The following PIP4K2A variants were observed in gnomAD, a reference collection of about 807,000 sequenced individuals.
PIP4K2A encodes phosphatidylinositol 5-phosphate 4-kinase type-2 alpha.
A neutral mutation model predicts 42.9 loss-of-function variants in PIP4K2A; 14 were observed. The ratio of observed to expected loss-of-function variants is 0.33; its 90% CI spans 0.22 to 0.51. PIP4K2A has a LOEUF of 0.51. Among genes scored for constraint, PIP4K2A ranks in the 20% least tolerant of loss-of-function variants. PIP4K2A has a pLI of 0.97. For missense variants in PIP4K2A, 434 were observed against 519.8 expected, an observed-to-expected ratio of 0.83 and a Z score of 1.61; for synonymous variants, 192 against 192.2, an observed-to-expected ratio of 1.00 and a Z score of 0.01.
At chr10:22,593,030 A>G (rs1431620366) in intron 3 of PIP4K2A, among the ~76,000 whole-genome samples, 1 of 152,216 alleles carries the variant, frequency 6.6e-6, no homozygotes, top group Admixed American at 6.5e-5. Flanking sequence ...TCTGTCTAGT[A>G]TATTCCAGTC....
At position 22,610,760 on chromosome 10, in the gene PIP4K2A, T is replaced by C. The variant is rs116339735; in HGVS notation, c.145-1043A>G. On this transcript the variant is annotated intron_variant, in intron 1 of 9. Transcript: ENST00000376573. The stretch of plus-strand genomic sequence containing the variant: ...ACACTTACTTGGGCCAAACGAAAGC[T>C]GGGAGCTCAACAAAGGCTTCAACGT... Among the ~76,000 whole-genome samples, 1,263 of 152,310 alleles carry C rather than the reference T, an allele frequency of 8.3e-3. 15 individuals carry two copies. The highest frequency in any genetic ancestry group is 0.028 in the African/African-American group (1,180 of 41,568).
intron 1 of PIP4K2A, among the ~76,000 whole-genome samples, chr10:22,679,854 T>C (rs1839626518): frequency 6.6e-6 from 1 of 152,250 alleles, no homozygotes; most frequent in African/African-American, 2.4e-5. Flanking sequence ...AGATTAGTGG[T>C]TGCCTAGGGC....
chr10:22,708,995 G>A (rs1003013465), intron 1 of PIP4K2A, among the ~76,000 whole-genome samples: 6 of 152,202 alleles, frequency 3.9e-5, no homozygotes, highest in East Asian at 1.9e-4. Flanking sequence ...TGCTGCCCAG[G>A]CTGGTCTCAA....
At chr10:22,569,034 A>C in intron 5 of PIP4K2A, 1 of 1,535,352 alleles carries the variant, frequency 6.5e-7, no homozygotes, top group Non-Finnish European at 8.7e-7. Flanking sequence ...GAAAAGTGAA[A>C]GTGGCTTTTA....
chr10:22,673,030 C>T (rs1413423041), intron 1 of PIP4K2A, among the ~76,000 whole-genome samples: 1 of 152,158 alleles, frequency 6.6e-6, no homozygotes, highest in Non-Finnish European at 1.5e-5. Flanking sequence ...CTGTCCAGGG[C>T]CACTTCCTGG....
intron 1 of PIP4K2A, among the ~76,000 whole-genome samples, chr10:22,692,283 T>C (rs1264211581): frequency 2.6e-5 from 4 of 152,092 alleles, no homozygotes; most frequent in Non-Finnish European, 5.9e-5. Flanking sequence ...ATGCTGCTGC[T>C]GATCTGACAG....
intron 6 of PIP4K2A, among the ~76,000 whole-genome samples, chr10:22,559,825 T>C (rs1836641093): frequency 1.3e-5 from 2 of 152,104 alleles, no homozygotes; most frequent in African/African-American, 2.4e-5. Context: ...CACTACAGCA[T>C]GAGGAGCAAT....
intron 1 of PIP4K2A, among the ~76,000 whole-genome samples, chr10:22,626,466 C>G (rs1397306558): frequency 2.0e-5 from 3 of 152,194 alleles, no homozygotes; most frequent in Non-Finnish European, 4.4e-5. Flanking sequence ...GTATTCAGAA[C>G]ACGAGGATAT....
chr10:22,628,597 T>C (rs898002411), intron 1 of PIP4K2A, among the ~76,000 whole-genome samples: 1 of 152,104 alleles, frequency 6.6e-6, no homozygotes, highest in African/African-American at 2.4e-5. Context: ...TTTCACACAT[T>C]TTAGGGAGAC....
Position 22,714,243 on chromosome 10 carries a change from C to T in PIP4K2A, c.84G>A (p.Val28=), listed in dbSNP as rs1271300104. The T allele has an allele frequency of 1.9e-6, 3 of 1,612,738 alleles. No homozygotes were observed. Among genetic ancestry groups the T allele is most frequent in the Admixed American group, 3.3e-5 (2 of 59,950 alleles). Residue 28 remains valine, a synonymous_variant, in exon 1 of 10, where the codon GTG becomes GTA. Coordinates refer to ENST00000376573, the MANE Select transcript of PIP4K2A (RefSeq NM_005028.5). The stretch of plus-strand genomic sequence containing the variant: ...GCGGGTCGCTGGCCCGAAACAGCTT[C>T]ACTTTCTGCGCTACGAAGTGCTTCT... ...TKKKHFVAQK[V]KLFRASDPLL... is the part of the protein sequence containing the mutation.
At chr10:22,548,974 A>G (rs541616646) in intron 7 of PIP4K2A, among the ~76,000 whole-genome samples, 73 of 152,262 alleles carry the variant, frequency 4.8e-4, no homozygotes, top group Non-Finnish European at 8.5e-4. Flanking sequence ...GGACTGCCTG[A>G]GCTGGGAGTT....
At chr10:22,541,709 G>C (rs1323082891) in intron 8 of PIP4K2A, 95 bp downstream of exon 8, 27 of 1,366,764 alleles carry the variant, frequency 2.0e-5, no homozygotes, top group Non-Finnish European at 2.5e-5. Flanking sequence ...CTGCCGGGCA[G>C]CACCCTCATA....
At chr10:22,680,943 C>T (rs1330863321) in intron 1 of PIP4K2A, among the ~76,000 whole-genome samples, 1 of 152,258 alleles carries the variant, frequency 6.6e-6, no homozygotes, top group East Asian at 1.9e-4. Flanking sequence ...TTGGGAGGGG[C>T]CCCTCACCTA....
intron 1 of PIP4K2A, 52 bp downstream of exon 1, chr10:22,714,131 G>T (rs939985385): frequency 2.0e-6 from 3 of 1,532,168 alleles, no homozygotes; most frequent in Non-Finnish European, 2.7e-6. Flanking sequence ...AGGGGAACGA[G>T]GAGGAAGAGG....
At chr10:22,542,129 C>A in intron 7 of PIP4K2A, 82 bp from the exon 8 acceptor site, 1 of 1,305,420 alleles carries the variant, frequency 7.7e-7, no homozygotes, top group South Asian at 1.4e-5. Context: ...TCGGGTGACA[C>A]CCAGAGGGAA....
intron 6 of PIP4K2A, among the ~76,000 whole-genome samples, chr10:22,557,863 G>C (rs1836590598): frequency 6.6e-6 from 1 of 152,132 alleles, no homozygotes; most frequent in South Asian, 2.1e-4. Context: ...ATAGAGCCAA[G>C]TTTTTATTTT....
intron 1 of PIP4K2A, among the ~76,000 whole-genome samples, chr10:22,645,685 AATTTT>A (rs1359273427): frequency 6.6e-6 from 1 of 151,588 alleles, no homozygotes; most frequent in Non-Finnish European, 1.5e-5. Flanking sequence ...GATAGTACTT[AATTTT>A]TTTTTTTTTT....
chr10:22,640,885 A>G (rs1347258471), intron 1 of PIP4K2A, among the ~76,000 whole-genome samples: 1 of 152,234 alleles, frequency 6.6e-6, no homozygotes, highest in Non-Finnish European at 1.5e-5. Context: ...GTGGAGCCCA[A>G]TGAGACCTAG....
chr10:22,551,845 G>A lies in PIP4K2A; in HGVS notation c.679-1073C>T, dbSNP rs545361207. ...TGTTCCTCCTCCCTCCTTATTCAGA[G>A]CAATGAAAGAACACTCCCTGGGTCC... On this transcript the variant is annotated intron_variant, in intron 6 of 9. Transcript: ENST00000376573. Among the ~76,000 whole-genome samples, 12 of 152,234 alleles carry A rather than the reference G, an allele frequency of 7.9e-5. No homozygotes were observed. The South Asian group carries it at 1.9e-3, about 24-fold the overall frequency.
Sources: gnomAD v4.1 joint callset for allele counts (sites outside exome capture counted in the v4.1 genomes callset) on GRCh38, gnomAD v4.1.1 for gene constraint, MANE v1.5 for transcripts, NCBI Gene and HGNC (gene_info 2026-07-23, HGNC 2026-07-21) for gene names.